PLEKHA5: variants seen among roughly 807,000 people sequenced by gnomAD.
The protein encoded by PLEKHA5 is pleckstrin homology domain containing A5.
PLEKHA5 carries 55 observed loss-of-function variants against 181.9 expected under a neutral mutation model. That is an observed-to-expected ratio of 0.30 (90% confidence interval 0.24 to 0.38). The LOEUF (loss-of-function observed/expected upper bound fraction) is 0.38, where lower values mean the gene tolerates loss of function less well. PLEKHA5 is among the 10% of genes least tolerant of loss of function. The probability of loss-of-function intolerance (pLI) is 1.00; values close to 1 mark genes in which losing one functional copy is unlikely to be tolerated. For synonymous variants in PLEKHA5, 535 were observed against 529.4 expected, an observed-to-expected ratio of 1.01 and a Z score of -0.15; for missense variants, 1,432 against 1,549.5, an observed-to-expected ratio of 0.92 and a Z score of 1.27.
intron 3 of PLEKHA5, among the ~76,000 whole-genome samples, chr12:19,214,732 A>G (rs2057618206): frequency 6.6e-6 from 1 of 152,134 alleles, no homozygotes; most frequent in South Asian, 2.1e-4. Flanking sequence ...ATAGCTGCTA[A>G]AGGGAGAATG....
chr12:19,218,944 A>AT lies in PLEKHA5; in HGVS notation c.228-34985dup, dbSNP rs1226278651. ...CTTTTTAATTTTCTTTTTTTTTTTA[A>AT]TTTTTTTTTTTATTATACTCTAAGT... On this transcript the variant is annotated intron_variant, in intron 3 of 31. Transcript: ENST00000429027. 4.7e-3 allele frequency among the ~76,000 whole-genome samples: 615 copies of AT among 131,680 alleles called. 5 individuals are homozygous for AT. The highest frequency in any genetic ancestry group is 0.016 in the African/African-American group (569 of 35,778). 86.4% of individuals were successfully genotyped at this position (131,680 alleles called of 152,430 possible).
At chr12:19,195,479 G>A (rs1397048115) in intron 3 of PLEKHA5, among the ~76,000 whole-genome samples, 1 of 151,734 alleles carries the variant, frequency 6.6e-6, no homozygotes, top group Non-Finnish European at 1.5e-5. Context: ...ACCAGCCTGG[G>A]CAACATGGTG....
intron 3 of PLEKHA5, among the ~76,000 whole-genome samples, chr12:19,213,030 A>G (rs761272076): frequency 2.0e-5 from 3 of 152,126 alleles, no homozygotes; most frequent in Non-Finnish European, 4.4e-5. Context: ...AATAGGGTCT[A>G]TAAGAATATC....
At chr12:19,259,435 A>T (rs1006438668) in intron 6 of PLEKHA5, among the ~76,000 whole-genome samples, 1 of 152,038 alleles carries the variant, frequency 6.6e-6, no homozygotes, top group African/African-American at 2.4e-5. Flanking sequence ...CCTTATCTGT[A>T]CTAAAGAAAG....
intron 3 of PLEKHA5, among the ~76,000 whole-genome samples, chr12:19,185,724 C>T (rs570015544): frequency 6.6e-6 from 1 of 152,234 alleles, no homozygotes; most frequent in East Asian, 1.9e-4. Flanking sequence ...TGCCTGTGTA[C>T]TTAACATATC....
Position 19,347,136 on chromosome 12 carries a change from A to C in PLEKHA5, c.2852A>C (p.Lys951Thr), listed in dbSNP as rs1318036251. 17 of 1,550,366 alleles carry C rather than the reference A, an allele frequency of 1.1e-5. No individual in the cohort carries two copies. The highest frequency in any genetic ancestry group is 2.0e-5 in the Admixed American group (1 of 50,920). Residue 951 changes from lysine to threonine, a missense_variant, in exon 24 of 32, where the codon AAG (lysine) becomes ACG (threonine). Lys to Thr is a moderately conservative substitution (Grantham distance 78). Coordinates refer to ENST00000429027, the MANE Select transcript of PLEKHA5 (RefSeq NM_001256470.2). ...GGCCCAGTTCATCTGCCTGAAGAAAAGAAGATGTATCAAGTTCAAGGATAT... is the reference window on the plus strand; with the variant it reads ...GGCCCAGTTCATCTGCCTGAAGAAACGAAGATGTATCAAGTTCAAGGATAT... Reference protein sequence around the residue: ...SRGPVHLPEEKKMYQVQGYPR... With the variant: ...SRGPVHLPEETKMYQVQGYPR...
chr12:19,269,752 C>G lies in PLEKHA5; in HGVS notation c.712-18C>G. ...ATCCTATATTTTTATTTAAAATGAT[C>G]GTGTCATTTTCAATCAGGCAGCCCA... On this transcript the variant is annotated intron_variant, in intron 8 of 31. Coordinates refer to ENST00000429027, the MANE Select transcript of PLEKHA5 (RefSeq NM_001256470.2). 5 of 1,223,592 alleles carry G rather than the reference C, an allele frequency of 4.1e-6. No individual in the cohort carries two copies. Among genetic ancestry groups the G allele is most frequent in the Non-Finnish European group, 6.0e-6 (5 of 837,186 alleles). 75.8% of individuals were successfully genotyped at this position (1,223,592 alleles called of 1,614,324 possible). A position where few individuals can be genotyped will look rare whatever the true frequency, so the allele number is the denominator to read the frequency against.
chr12:19,196,932 T>G lies in PLEKHA5; in HGVS notation c.228-57008T>G, dbSNP rs535505114. Among the ~76,000 whole-genome samples, 3 of 152,198 alleles carry G rather than the reference T, an allele frequency of 2.0e-5. 1 individual carries two copies. Among genetic ancestry groups the G allele is most frequent in the African/African-American group, 7.2e-5 (3 of 41,518 alleles). ...TTGACCATGTTGACATAATTAAAAT[T>G]TTCAAATCCTGTTCACTGGCTGTGA... On this transcript the variant is annotated intron_variant, in intron 3 of 31. Transcript: ENST00000429027.
Position 19,334,983 on chromosome 12 carries a change from GAAA to G in PLEKHA5, c.2449-1514_2449-1512del, listed in dbSNP as rs35656695. 7.2e-3 allele frequency among the ~76,000 whole-genome samples: 360 copies of G among 49,970 alleles called. 3 individuals carry two copies. The highest frequency in any genetic ancestry group is 9.9e-3 in the Non-Finnish European group (253 of 25,558). 32.8% of individuals were successfully genotyped at this position (49,970 alleles called of 152,430 possible). A position where few individuals can be genotyped will look rare whatever the true frequency, so the allele number is the denominator to read the frequency against. On this transcript the variant is annotated intron_variant, in intron 20 of 31. Coordinates refer to ENST00000429027, the MANE Select transcript of PLEKHA5 (RefSeq NM_001256470.2). ...TCTTCACCTAAGATTTTTTTTTTAT[GAAA>G]AAAAAAAAAAAAAAAAAGACTGGCA... is the stretch of plus-strand genomic sequence containing the variant.
chr12:19,299,021 A>ATTT (rs2080734453), intron 15 of PLEKHA5, among the ~76,000 whole-genome samples: 2 of 152,224 alleles, frequency 1.3e-5, no homozygotes, highest in Non-Finnish European at 2.9e-5. Context: ...AAGAAGAAAA[A>ATTT]CAAGTGGCAG....
chr12:19,279,598 T>A (rs2152769623), intron 11 of PLEKHA5, among the ~76,000 whole-genome samples: 1 of 150,598 alleles, frequency 6.6e-6, no homozygotes, highest in Admixed American at 6.6e-5. Context: ...GGGAGACAGG[T>A]CCAGTGAGCG....
At chr12:19,247,658 A>T (rs77930109) in intron 3 of PLEKHA5, among the ~76,000 whole-genome samples, 6,278 of 152,024 alleles carry the variant, frequency 0.041, 179 homozygotes, top group Middle Eastern at 0.089. Context: ...GATTGTAGTA[A>T]ATGATTAAAA....
chr12:19,202,043 T>C, intron 3 of PLEKHA5: 1 of 952,074 alleles, frequency 1.1e-6, no homozygotes, highest in Non-Finnish European at 1.3e-6. Flanking sequence ...TTCTTAATTA[T>C]TCCCTTCACA....
At chr12:19,334,829 A>AAAAAAATATATATAT in intron 20 of PLEKHA5, among the ~76,000 whole-genome samples, 3 of 18,600 alleles carry the variant, frequency 1.6e-4, no homozygotes, top group Admixed American at 8.8e-4. Context: ...AAAAAAAAAA[A>AAAAAAATATATATAT]ATATATATAT....
chr12:19,351,830 T>C (rs2094607285), intron 25 of PLEKHA5, among the ~76,000 whole-genome samples: 1 of 152,070 alleles, frequency 6.6e-6, no homozygotes, highest in Non-Finnish European at 1.5e-5. Flanking sequence ...TCTCAGCATT[T>C]TGGGAGGCCG....
intron 11 of PLEKHA5, among the ~76,000 whole-genome samples, chr12:19,279,672 AATAC>A (rs1254676319): frequency 8.6e-5 from 13 of 151,676 alleles, no homozygotes; most frequent in African/African-American, 2.9e-4. Flanking sequence ...AAAAAAAAAA[AATAC>A]ATACATATAT....
chr12:19,147,971 A>G (rs1356615403), intron 3 of PLEKHA5, among the ~76,000 whole-genome samples: 1 of 152,098 alleles, frequency 6.6e-6, no homozygotes, highest in East Asian at 1.9e-4. Context: ...TCCTGGGCCC[A>G]CGCCATTCTC....
intron 3 of PLEKHA5, among the ~76,000 whole-genome samples, chr12:19,170,739 A>G (rs1413278503): frequency 6.6e-6 from 1 of 152,214 alleles, no homozygotes; most frequent in Non-Finnish European, 1.5e-5. Context: ...TTTATATTTA[A>G]CTGACTTATC....
At chr12:19,295,872 A>G (rs1290774302) in intron 15 of PLEKHA5, among the ~76,000 whole-genome samples, 1 of 152,208 alleles carries the variant, frequency 6.6e-6, no homozygotes, top group Non-Finnish European at 1.5e-5. Flanking sequence ...ACCCTGTGCT[A>G]TATCTGAAGA....
Sources: allele counts gnomAD v4.1 joint callset (sites outside exome capture counted in the v4.1 genomes callset), GRCh38; gene constraint gnomAD v4.1.1; transcripts MANE v1.5; gene names NCBI Gene and HGNC (gene_info 2026-07-23, HGNC 2026-07-21).